Variants in RUNX2 observed in about 807,000 individuals in gnomAD.
The protein encoded by RUNX2 is RUNX family transcription factor 2.
In RUNX2, 10 loss-of-function variants were observed where a neutral mutation model predicts 51.7. That is an observed-to-expected ratio of 0.19 (90% CI 0.12 to 0.33). The LOEUF (loss-of-function observed/expected upper bound fraction) is 0.33. Ranked by LOEUF, RUNX2 falls within the 10% of genes least tolerant of loss-of-function variation. RUNX2 has a pLI of 1.00. For missense variants in RUNX2, 562 were observed against 691.3 expected, an observed-to-expected ratio of 0.81 and a Z score of 2.10; for synonymous variants, 276 against 273.6, an observed-to-expected ratio of 1.01 and a Z score of -0.09.
chr6:45,499,178 GTTC>G (rs1398625840), intron 6 of RUNX2, among the ~76,000 whole-genome samples: 1 of 152,188 alleles, frequency 6.6e-6, no homozygotes, highest in African/African-American at 2.4e-5. Flanking sequence ...GTTGGAAGTG[GTTC>G]TTTTTTACTT....
chr6:45,511,262 A>G (rs770318166), intron 6 of RUNX2, among the ~76,000 whole-genome samples: 25 of 152,194 alleles, frequency 1.6e-4, no homozygotes, highest in Non-Finnish European at 3.2e-4. Flanking sequence ...AGAAACTCCT[A>G]GAGATACATC....
At chr6:45,545,339 G>C in intron 8 of RUNX2, 57 bp downstream of exon 8, 1 of 1,520,486 alleles carries the variant, frequency 6.6e-7, no homozygotes, top group East Asian at 2.5e-5. Context: ...GGGCTGTCTG[G>C]TTGTTACTGT....
intron 2 of RUNX2, chr6:45,422,320 A>C (rs1582093405): frequency 1.3e-5 from 5 of 392,734 alleles, no homozygotes; most frequent in East Asian, 6.1e-5. Flanking sequence ...CGGGTGTTCC[A>C]AAGACTCCGG....
intron 2 of RUNX2, among the ~76,000 whole-genome samples, chr6:45,353,360 T>A (rs1346998272): frequency 6.6e-6 from 1 of 152,062 alleles, no homozygotes; most frequent in African/African-American, 2.4e-5. Flanking sequence ...AGAAAAGTTA[T>A]GCGGATGGAC....
chr6:45,543,903 C>A (rs1213585280), intron 7 of RUNX2, among the ~76,000 whole-genome samples: 1 of 150,324 alleles, frequency 6.7e-6, no homozygotes, highest in African/African-American at 2.5e-5. Context: ...TATAGTCTTT[C>A]TTTTAAGTTT....
chr6:45,394,459 C>T (rs1797540612), intron 2 of RUNX2, among the ~76,000 whole-genome samples: 1 of 152,156 alleles, frequency 6.6e-6, no homozygotes, highest in African/African-American at 2.4e-5. Context: ...CTAGAGACTC[C>T]TTTTTAAGTA....
intron 2 of RUNX2, among the ~76,000 whole-genome samples, chr6:45,420,717 G>T (rs1798162651): frequency 6.6e-6 from 1 of 152,166 alleles, no homozygotes; most frequent in Non-Finnish European, 1.5e-5. Context: ...CAACGCCGAG[G>T]GTAAAACGGC....
chr6:45,483,487 G>A (rs1208674304), intron 5 of RUNX2, among the ~76,000 whole-genome samples: 1 of 152,092 alleles, frequency 6.6e-6, no homozygotes, highest in Non-Finnish European at 1.5e-5. Context: ...GTTTGTGCTA[G>A]ACATAAAATG....
At chr6:45,392,526 A>C (rs1172854921) in intron 2 of RUNX2, among the ~76,000 whole-genome samples, 2 of 152,136 alleles carry the variant, frequency 1.3e-5, no homozygotes, top group Non-Finnish European at 2.9e-5. Context: ...AATAAAAATA[A>C]ATACCCTTTT....
rs1800674131 is a variant in RUNX2 at position 45,497,250 on chromosome 6, G to GT, written c.859+5141dup. Among the ~76,000 whole-genome samples the GT allele has an allele frequency of 2.6e-5, 4 of 152,024 alleles. No homozygotes were observed. The South Asian group carries it at 8.3e-4, about 32-fold the overall frequency. On this transcript the variant is annotated intron_variant, in intron 6 of 8. Transcript: ENST00000647337. ...CTCTTGGTTCTTTTGAGTCTTGGTT[G>GT]TTTTTCTAAGCAGTCAATGAAAGTT...
chr6:45,350,167 T>A (rs1791724021), intron 2 of RUNX2, among the ~76,000 whole-genome samples: 1 of 152,220 alleles, frequency 6.6e-6, no homozygotes, highest in South Asian at 2.1e-4. Flanking sequence ...ACAATTAGAA[T>A]GTAGCCCTGA....
chr6:45,438,716 T>G (rs114390410), intron 5 of RUNX2, among the ~76,000 whole-genome samples: 1 of 152,252 alleles, frequency 6.6e-6, no homozygotes, highest in African/African-American at 2.4e-5. Context: ...CATAATCTAC[T>G]TGGGCCAATA....
chr6:45,534,867 C>T, intron 7 of RUNX2, among the ~76,000 whole-genome samples: 1 of 152,168 alleles, frequency 6.6e-6, no homozygotes, highest in East Asian at 1.9e-4. Flanking sequence ...ATAAATAGGA[C>T]AGCATTCCCA....
intron 2 of RUNX2, among the ~76,000 whole-genome samples, chr6:45,354,067 G>C (rs938718255): frequency 1.3e-5 from 2 of 151,678 alleles, no homozygotes; most frequent in African/African-American, 2.4e-5. Context: ...GGAGGGAGGT[G>C]CTCTCATAAC....
intron 2 of RUNX2, among the ~76,000 whole-genome samples, chr6:45,354,999 G>C (rs891607755): frequency 6.6e-6 from 1 of 152,004 alleles, no homozygotes; most frequent in Non-Finnish European, 1.5e-5. Context: ...TTTGGAGACA[G>C]GGTCTCACTC....
In RUNX2 at chr6:45,541,916, G is replaced by A. The variant is rs903794742; in HGVS notation, c.1022-3301G>A. Among the ~76,000 whole-genome samples, 6 of 152,120 alleles carry A rather than the reference G, an allele frequency of 3.9e-5. No homozygotes were observed. In the South Asian group the frequency reaches 1.0e-3, roughly 26 times the overall value. On this transcript the variant is annotated intron_variant, in intron 7 of 8. Coordinates refer to ENST00000647337, the MANE Select transcript of RUNX2 (RefSeq NM_001024630.4). ...CCGTCAACCAACCATATTTATTGGG[G>A]GCCTAGTCAATGAGAAAATGTATGT...
chr6:45,525,760 T>G (rs547558455), intron 7 of RUNX2, among the ~76,000 whole-genome samples: 1 of 152,254 alleles, frequency 6.6e-6, no homozygotes, highest in African/African-American at 2.4e-5. Flanking sequence ...TTTGGGAGGC[T>G]GAGGCGGGCA....
At chr6:45,447,676 C>CG (rs1241487222) in intron 5 of RUNX2, among the ~76,000 whole-genome samples, 1 of 152,100 alleles carries the variant, frequency 6.6e-6, no homozygotes, top group Non-Finnish European at 1.5e-5. Context: ...TAGTCATTAT[C>CG]GGTGTTTAAA....
chr6:45,375,487 G>A (rs557797586), intron 2 of RUNX2, among the ~76,000 whole-genome samples: 29 of 152,206 alleles, frequency 1.9e-4, no homozygotes, highest in African/African-American at 6.3e-4. Context: ...GATTTAACTC[G>A]TGAGCTTTAA....
Sources: allele counts gnomAD v4.1 joint callset (sites outside exome capture counted in the v4.1 genomes callset), GRCh38; gene constraint gnomAD v4.1.1; transcripts MANE v1.5; gene names NCBI Gene and HGNC (gene_info 2026-07-23, HGNC 2026-07-21).